Variants in CHSY3 observed in about 807,000 individuals in gnomAD.
CHSY3 encodes chondroitin sulfate synthase 3.
In CHSY3, 35 loss-of-function variants were observed where a neutral mutation model predicts 67.2. The ratio of observed to expected loss-of-function variants is 0.52; its 90% CI spans 0.40 to 0.69. The LOEUF is 0.69. CHSY3 is among the 30% of genes least tolerant of loss of function. The pLI is 0.00. For missense variants in CHSY3, 1,069 were observed against 1,138.5 expected (o/e 0.94, Z 0.88); for synonymous variants, 474 against 434.7 (o/e 1.09, Z -1.12).
intron 2 of CHSY3, among the ~76,000 whole-genome samples, chr5:130,133,792 A>G (rs7737925): frequency 0.07 from 8,856 of 126,492 alleles, 444 homozygotes; most frequent in East Asian, 0.28. Flanking sequence ...AAAAAAAAAA[A>G]AAAGAAAAAA....
At chr5:130,134,979 C>A (rs957705453) in intron 2 of CHSY3, among the ~76,000 whole-genome samples, 1 of 151,676 alleles carries the variant, frequency 6.6e-6, no homozygotes, top group Admixed American at 6.6e-5. Flanking sequence ...TCTTATCTTT[C>A]GAGACATATT....
At chr5:129,997,924 G>A (rs1763594483) in intron 2 of CHSY3, among the ~76,000 whole-genome samples, 2 of 152,172 alleles carry the variant, frequency 1.3e-5, no homozygotes, top group African/African-American at 4.8e-5. Context: ...GGACATTTGG[G>A]TTGGTTCCAA....
At chr5:129,923,301 T>A (rs1312167397) in intron 2 of CHSY3, among the ~76,000 whole-genome samples, 1 of 152,072 alleles carries the variant, frequency 6.6e-6, no homozygotes, top group Non-Finnish European at 1.5e-5. Context: ...AAAATAATAT[T>A]CCTAGAGATA....
At chr5:130,070,427 A>T (rs1045562267) in intron 2 of CHSY3, among the ~76,000 whole-genome samples, 1 of 152,118 alleles carries the variant, frequency 6.6e-6, no homozygotes, top group Non-Finnish European at 1.5e-5. Flanking sequence ...ATTGAAAGGC[A>T]AAGAGCTTGG....
At position 130,145,284 on chromosome 5, in the gene CHSY3, C is replaced by A. The variant is rs934409446; in HGVS notation, c.1087-38945C>A. 4.6e-5 allele frequency among the ~76,000 whole-genome samples: 7 copies of A among 151,964 alleles called. No homozygotes were observed. The South Asian group carries it at 8.3e-4, about 18-fold the overall frequency. On this transcript the variant is annotated intron_variant, in intron 2 of 2. Coordinates refer to ENST00000305031, the MANE Select transcript of CHSY3 (RefSeq NM_175856.5). Reference sequence around the variant, plus strand: ...AATGGAACATAATAAAGAGGCCAAACATAGTTCACACAGCTATGTCTAACT... The same window carrying A: ...AATGGAACATAATAAAGAGGCCAAAAATAGTTCACACAGCTATGTCTAACT...
rs1202282005 is a variant in CHSY3, at chr5:130,154,290, C to T, written c.1087-29939C>T. Among the ~76,000 whole-genome samples the T allele has an allele frequency of 2.6e-5, 4 of 152,300 alleles. No individual in the cohort carries two copies. In the South Asian group the frequency reaches 6.2e-4, roughly 24 times the overall value. On this transcript the variant is annotated intron_variant, in intron 2 of 2. Coordinates refer to ENST00000305031, the MANE Select transcript of CHSY3 (RefSeq NM_175856.5). ...ACAAGAATTTAAGGAATAGCTCTTC[C>T]TTTAACATAAGACAAATAGCTTTTC...
intron 2 of CHSY3, among the ~76,000 whole-genome samples, chr5:130,131,971 T>G (rs1276393911): frequency 2.0e-5 from 3 of 150,540 alleles, no homozygotes; most frequent in Non-Finnish European, 3.0e-5. Flanking sequence ...TGTGATTCCC[T>G]ACTCTCAGTG....
intron 2 of CHSY3, among the ~76,000 whole-genome samples, chr5:130,096,935 T>A (rs1333002012): frequency 1.3e-5 from 2 of 152,224 alleles, no homozygotes; most frequent in Non-Finnish European, 2.9e-5. Flanking sequence ...CTCTTTCTCC[T>A]CCTATATTCG....
intron 2 of CHSY3, among the ~76,000 whole-genome samples, chr5:130,038,072 A>G (rs1764909900): frequency 6.6e-6 from 1 of 152,114 alleles, no homozygotes; most frequent in Admixed American, 6.6e-5. Context: ...ACTGAAGTCA[A>G]AAGATACCTG....
At chr5:129,952,630 AT>A (rs1044818523) in intron 2 of CHSY3, among the ~76,000 whole-genome samples, 1 of 152,132 alleles carries the variant, frequency 6.6e-6, no homozygotes, top group Non-Finnish European at 1.5e-5. Context: ...TCTTTATAGA[AT>A]TTGCCTAGCC....
chr5:129,971,547 G>A (rs921662594), intron 2 of CHSY3, among the ~76,000 whole-genome samples: 2 of 151,834 alleles, frequency 1.3e-5, no homozygotes, highest in Non-Finnish European at 2.9e-5. Flanking sequence ...TGTCTTCACA[G>A]CAACTCTGTA....
chr5:130,137,593 A>G (rs561063097), intron 2 of CHSY3, among the ~76,000 whole-genome samples: 5 of 152,362 alleles, frequency 3.3e-5, no homozygotes, highest in Admixed American at 6.5e-5. Flanking sequence ...TCATTAAAAC[A>G]TATACTCTCA....
intron 2 of CHSY3, among the ~76,000 whole-genome samples, chr5:130,111,811 G>A (rs1456340384): frequency 6.6e-6 from 1 of 151,868 alleles, no homozygotes. Flanking sequence ...GAAATATGCA[G>A]GTGCAATGAG....
intron 2 of CHSY3, among the ~76,000 whole-genome samples, chr5:130,088,767 G>T (rs1401793083): frequency 6.6e-6 from 1 of 152,144 alleles, no homozygotes; most frequent in African/African-American, 2.4e-5. Context: ...CTTTTACATT[G>T]TTGGTGGGAC....
intron 2 of CHSY3, among the ~76,000 whole-genome samples, chr5:130,143,103 A>G (rs1325819915): frequency 4.6e-5 from 7 of 152,166 alleles, no homozygotes; most frequent in Non-Finnish European, 1.0e-4. Context: ...AAAAAAATAA[A>G]TCCTTAATTA....
At chr5:130,047,038 A>T (rs1050908026) in intron 2 of CHSY3, among the ~76,000 whole-genome samples, 3 of 151,496 alleles carry the variant, frequency 2.0e-5, no homozygotes, top group African/African-American at 7.2e-5. Context: ...AAATTAATAA[A>T]AATTTAAAGT....
chr5:130,152,107 CTT>C (rs1769249811), intron 2 of CHSY3, among the ~76,000 whole-genome samples: 1 of 152,206 alleles, frequency 6.6e-6, no homozygotes, highest in Non-Finnish European at 1.5e-5. Flanking sequence ...GAATTGGACT[CTT>C]TTAAGAAAAA....
At chr5:130,070,637 T>A (rs189661852) in intron 2 of CHSY3, among the ~76,000 whole-genome samples, 49 of 152,206 alleles carry the variant, frequency 3.2e-4, no homozygotes, top group African/African-American at 1.2e-3. Flanking sequence ...GGAAATAATT[T>A]TAAGGTTAAT....
chr5:129,994,744 G>C (rs78613450), intron 2 of CHSY3, among the ~76,000 whole-genome samples: 80 of 152,276 alleles, frequency 5.3e-4, no homozygotes, highest in African/African-American at 1.9e-3. Context: ...CATGTCGTTT[G>C]TAGGGACATG....
Sources: allele counts gnomAD v4.1 joint callset (sites outside exome capture counted in the v4.1 genomes callset), GRCh38; gene constraint gnomAD v4.1.1; transcripts MANE v1.5; gene names NCBI Gene and HGNC (gene_info 2026-07-23, HGNC 2026-07-21).